Variants in NOX4 observed in about 807,000 individuals in gnomAD.
The protein encoded by NOX4 is NADPH oxidase 4.
NOX4 carries 69 observed loss-of-function variants against 87.6 expected under a neutral mutation model. The observed-to-expected ratio is 0.79, with a 90% CI of 0.65 to 0.96. The LOEUF (loss-of-function observed/expected upper bound fraction) is 0.96, where lower values mean the gene tolerates loss of function less well. NOX4 is among the 40% of genes least tolerant of loss of function. The pLI, the probability that NOX4 is intolerant of heterozygous loss-of-function variation, is 0.00. For missense variants in NOX4, 680 were observed against 681.5 expected, an observed-to-expected ratio of 1.00 and a Z score of 0.02; for synonymous variants, 275 against 238.2, an observed-to-expected ratio of 1.15 and a Z score of -1.42.
In NOX4 at chr11:89,380,538, T is replaced by C. The variant is rs147721973; in HGVS notation, c.1075-7046A>G. On this transcript the variant is annotated intron_variant, in intron 11 of 17. Coordinates refer to ENST00000263317, the MANE Select transcript of NOX4 (RefSeq NM_016931.5). Reference sequence around the variant, plus strand: ...CAGGAAAGAAACTTTCATTGATCATTTCCTTTTGGTACTTAGGTAAAAACA... The same window carrying C: ...CAGGAAAGAAACTTTCATTGATCATCTCCTTTTGGTACTTAGGTAAAAACA... Among the ~76,000 whole-genome samples the C allele has an allele frequency of 6.9e-3, 1,045 of 152,258 alleles. 11 individuals are homozygous for C. The highest frequency in any genetic ancestry group is 0.024 in the African/African-American group (984 of 41,536).
At chr11:89,546,467 G>A in the NOX4 span, among the ~76,000 whole-genome samples, 1 of 152,144 alleles carries the variant, frequency 6.6e-6, no homozygotes, top group Non-Finnish European at 1.5e-5. Flanking sequence ...TAAGAGCTGG[G>A]ACTCAGGAGA....
chr11:89,575,179 A>T, the NOX4 span, among the ~76,000 whole-genome samples: 1,041 of 150,236 alleles, frequency 6.9e-3, 13 homozygotes, highest in Middle Eastern at 0.01. Flanking sequence ...GCAGAACTCC[A>T]TCTAAAAAAA....
At chr11:89,445,997 G>A (rs1360035007) in intron 4 of NOX4, among the ~76,000 whole-genome samples, 1 of 151,846 alleles carries the variant, frequency 6.6e-6, no homozygotes, top group Non-Finnish European at 1.5e-5. Flanking sequence ...AATATACAAA[G>A]AACACTTAAA....
chr11:89,540,786 T>TAAAAAAAAAAAAAAAAAAAAA, the NOX4 span, among the ~76,000 whole-genome samples: 1 of 43,500 alleles, frequency 2.3e-5, no homozygotes, highest in Non-Finnish European at 3.8e-5. Context: ...AGACTCCGTC[T>TAAAAAAAAAAAAAAAAAAAAA]AAAAAAAAAA....
intron 13 of NOX4, 131 bp from the exon 14 acceptor site, chr11:89,342,324 C>T (rs983025500): frequency 4.3e-6 from 3 of 697,382 alleles, no homozygotes; most frequent in African/African-American, 1.8e-5. Context: ...CATGGTTTCT[C>T]ATAGTGATTA....
At chr11:89,331,859 C>T (rs1332162657) in intron 17 of NOX4, among the ~76,000 whole-genome samples, 3 of 150,810 alleles carry the variant, frequency 2.0e-5, no homozygotes, top group East Asian at 1.9e-4. Context: ...CGTGTGTGTG[C>T]GATTTGAGGA....
chr11:89,486,711 TATATGTGTATATATATGTATA>T (rs1946642432), intron 2 of NOX4, among the ~76,000 whole-genome samples: 5 of 147,776 alleles, frequency 3.4e-5, no homozygotes, highest in African/African-American at 1.3e-4. Flanking sequence ...TATGTGTGTA[TATATGTGTATATATATGTATA>T]TTTTTTTTAT....
intron 2 of NOX4, among the ~76,000 whole-genome samples, chr11:89,464,920 G>A (rs1945611300): frequency 6.6e-6 from 1 of 152,156 alleles, no homozygotes; most frequent in East Asian, 1.9e-4. Flanking sequence ...TAAGGCCTTT[G>A]ATACAAAATT....
At chr11:89,571,756 A>G in the NOX4 span, among the ~76,000 whole-genome samples, 1 of 152,030 alleles carries the variant, frequency 6.6e-6, no homozygotes, top group Non-Finnish European at 1.5e-5. Context: ...CAAGCTGGGA[A>G]CTATGTCACC....
chr11:89,326,719 A>T lies in NOX4; in HGVS notation c.*37T>A. 1.9e-6 allele frequency: 3 copies of T among 1,597,440 alleles called. No individual in the cohort carries two copies. Among genetic ancestry groups the T allele is most frequent in the Non-Finnish European group, 2.6e-6 (3 of 1,168,780 alleles). ...TTTCAAAGTCTTAGAAATTGCACTC[A>T]TTCCTTCTTTAGAGTCCTGCTTCAT... On this transcript the variant is annotated 3_prime_UTR_variant, in exon 18 of 18. Coordinates refer to ENST00000263317, the MANE Select transcript of NOX4 (RefSeq NM_016931.5).
intron 13 of NOX4, among the ~76,000 whole-genome samples, chr11:89,354,096 C>G (rs1937792773): frequency 6.6e-6 from 1 of 152,118 alleles, no homozygotes; most frequent in Non-Finnish European, 1.5e-5. Context: ...TTTATGAATA[C>G]TTGAAAAAAC....
At chr11:89,421,629 A>G (rs1197371835) in intron 8 of NOX4, among the ~76,000 whole-genome samples, 1 of 152,192 alleles carries the variant, frequency 6.6e-6, no homozygotes, top group Non-Finnish European at 1.5e-5. Flanking sequence ...AGATATTAGG[A>G]TATATCCATA....
At chr11:89,562,199 T>G in the NOX4 span, among the ~76,000 whole-genome samples, 19 of 152,120 alleles carry the variant, frequency 1.2e-4, no homozygotes, top group African/African-American at 4.6e-4. Flanking sequence ...CTTTATAATA[T>G]CTAATGAAAA....
At chr11:89,571,691 GA>G in the NOX4 span, among the ~76,000 whole-genome samples, 1,602 of 144,774 alleles carry the variant, frequency 0.011, 25 homozygotes, top group African/African-American at 0.031. Context: ...TTACTTTTGT[GA>G]AAAAAAAAAA....
chr11:89,530,884 G>C, the NOX4 span, among the ~76,000 whole-genome samples: 1 of 152,236 alleles, frequency 6.6e-6, no homozygotes, highest in African/African-American at 2.4e-5. Context: ...CTAAACCGTA[G>C]AGAAAATAAG....
chr11:89,417,180 C>A (rs1591173151), intron 8 of NOX4, among the ~76,000 whole-genome samples: 2 of 152,134 alleles, frequency 1.3e-5, no homozygotes, highest in Non-Finnish European at 2.9e-5. Context: ...ATTCCCTCCA[C>A]ATTTCTTCGA....
intron 7 of NOX4, among the ~76,000 whole-genome samples, chr11:89,428,745 G>C (rs921589113): frequency 1.3e-5 from 2 of 152,146 alleles, no homozygotes; most frequent in African/African-American, 4.8e-5. Flanking sequence ...AAGAGACTTA[G>C]ACAACCACAC....
At chr11:89,560,333 T>G in the NOX4 span, among the ~76,000 whole-genome samples, 1 of 152,140 alleles carries the variant, frequency 6.6e-6, no homozygotes, top group South Asian at 2.1e-4. Flanking sequence ...TATCTTGATT[T>G]TGGGCCTTTG....
rs184487382 is a variant in NOX4 at position 89,402,004 on chromosome 11, A to G, written c.846+322T>C. ...GTATTGGTGGTAGGTTTTTTTAACT[A>G]CTATTTTTATTATTCAATCAGCTTT... On this transcript the variant is annotated intron_variant, in intron 9 of 17. Coordinates refer to ENST00000263317, the MANE Select transcript of NOX4 (RefSeq NM_016931.5). Among the ~76,000 whole-genome samples the G allele has an allele frequency of 1.6e-3, 249 of 152,090 alleles. 1 individual carries two copies. Among genetic ancestry groups the G allele is most frequent in the African/African-American group, 5.6e-3 (234 of 41,524 alleles).
Sources: allele counts gnomAD v4.1 joint callset (sites outside exome capture counted in the v4.1 genomes callset), GRCh38; gene constraint gnomAD v4.1.1; transcripts MANE v1.5; gene names NCBI Gene and HGNC (gene_info 2026-07-23, HGNC 2026-07-21).